The following PCDHA3 variants were observed in gnomAD, a reference collection of about 807,000 sequenced individuals.
The protein encoded by PCDHA3 is protocadherin alpha-3.
PCDHA3 carries 41 observed loss-of-function variants against 62.2 expected under a neutral mutation model. The observed-to-expected ratio is 0.66, with a 90% confidence interval of 0.51 to 0.86. PCDHA3 has a LOEUF of 0.86. Among genes scored for constraint, PCDHA3 ranks in the 40% least tolerant of loss-of-function variants. PCDHA3 has a pLI of 0.00. For synonymous variants in PCDHA3, 640 were observed against 555.4 expected (o/e 1.15, Z -2.14); for missense variants, 1,304 against 1,241.2 (o/e 1.05, Z -0.76).
In PCDHA3 at chr5:140,927,151, T is replaced by C. The variant is rs781865588; in HGVS notation, c.2395-51798T>C. ...AGAGCCGGCGGACCGCGAACAGCTGTGCAGGGCCAAAGCTGCCTGCGTCTT... is the reference window on the plus strand; with the variant it reads ...AGAGCCGGCGGACCGCGAACAGCTGCGCAGGGCCAAAGCTGCCTGCGTCTT... On this transcript the variant is annotated intron_variant, in intron 1 of 3. Coordinates refer to ENST00000522353, the MANE Select transcript of PCDHA3 (RefSeq NM_018906.3). 15 of 1,614,128 alleles carry C rather than the reference T, an allele frequency of 9.3e-6. No homozygotes were observed. In the East Asian group the frequency reaches 3.3e-4, roughly 36 times the overall value.
chr5:140,922,063 A>C (rs1324927848), intron 1 of PCDHA3, among the ~76,000 whole-genome samples: 2 of 152,190 alleles, frequency 1.3e-5, no homozygotes, highest in African/African-American at 4.8e-5. Context: ...AAATGTAGCA[A>C]TCCCACTAAG....
At chr5:140,943,386 A>G (rs1245126281) in intron 1 of PCDHA3, among the ~76,000 whole-genome samples, 2 of 152,154 alleles carry the variant, frequency 1.3e-5, no homozygotes, top group African/African-American at 4.8e-5. Flanking sequence ...CAGGTAAGAA[A>G]TTATGGATAT....
rs782606319 is a variant in PCDHA3 at position 140,802,078 on chromosome 5, A to G, written c.881A>G (p.His294Arg). The change falls in exon 1 of 4, where the codon CAT becomes CGT. Residue 294 changes from histidine (H) to arginine (R), a missense_variant. Coordinates refer to ENST00000522353, the MANE Select transcript of PCDHA3 (RefSeq NM_018906.3). ...DMSADILSKF[H>R]LDPVNGQISV... The stretch of plus-strand genomic sequence containing the variant: ...TCAGCAGATATTCTGTCAAAATTCC[A>G]TTTAGATCCAGTCAATGGACAAATC... 1 of 1,614,206 alleles carries G rather than the reference A, an allele frequency of 6.2e-7. No homozygotes were observed. The highest frequency in any genetic ancestry group is 1.3e-5 in the African/African-American group (1 of 75,060).
chr5:140,972,399 T>C (rs1554234105), intron 1 of PCDHA3, among the ~76,000 whole-genome samples: 2 of 152,062 alleles, frequency 1.3e-5, no homozygotes, highest in South Asian at 2.1e-4. Context: ...TGCTTCACTA[T>C]TGGCAAACCC....
At chr5:140,904,957 A>G (rs2071509370) in intron 1 of PCDHA3, among the ~76,000 whole-genome samples, 1 of 152,156 alleles carries the variant, frequency 6.6e-6, no homozygotes, top group African/African-American at 2.4e-5. Flanking sequence ...TGTCTGATGC[A>G]GAATTTGTGA....
chr5:140,959,538 A>G (rs1310965047), intron 1 of PCDHA3, among the ~76,000 whole-genome samples: 1 of 152,204 alleles, frequency 6.6e-6, no homozygotes, highest in Non-Finnish European at 1.5e-5. Flanking sequence ...TAATTCAGAG[A>G]TGCTGTATAA....
intron 1 of PCDHA3, chr5:140,875,760 C>A (rs781811926): frequency 1.2e-6 from 2 of 1,614,200 alleles, no homozygotes; most frequent in Non-Finnish European, 1.7e-6. Flanking sequence ...AGAAGCTGTG[C>A]GGGCGGAGCG....
At chr5:140,926,840 C>T (rs1427760232) in intron 1 of PCDHA3, 4 of 1,514,378 alleles carry the variant, frequency 2.6e-6, no homozygotes, top group South Asian at 2.7e-5. Flanking sequence ...GAGCATGGTC[C>T]TGGGTCACCG....
chr5:140,870,746 TGACG>T, intron 1 of PCDHA3: 1 of 1,613,488 alleles, frequency 6.2e-7, no homozygotes, highest in Non-Finnish European at 8.5e-7. Context: ...AGCAGCAACG[TGACG>T]CTGCAGGTGT....
At chr5:140,904,113 G>C (rs1051705657) in intron 1 of PCDHA3, among the ~76,000 whole-genome samples, 4 of 152,248 alleles carry the variant, frequency 2.6e-5, no homozygotes, top group African/African-American at 9.6e-5. Context: ...TCATTGCTGA[G>C]ATTTTGGTGC....
At chr5:140,927,248 A>G in intron 1 of PCDHA3, 1 of 1,614,064 alleles carries the variant, frequency 6.2e-7, no homozygotes. Flanking sequence ...GACACCAATG[A>G]CAACTCACCT....
chr5:140,869,183 G>A, intron 1 of PCDHA3: 1 of 1,613,958 alleles, frequency 6.2e-7, no homozygotes, highest in Non-Finnish European at 8.5e-7. Flanking sequence ...TGGGAGGTGG[G>A]GAGCGGCCAG....
intron 1 of PCDHA3, among the ~76,000 whole-genome samples, chr5:140,942,118 A>C (rs554488765): frequency 1.3e-5 from 2 of 152,360 alleles, no homozygotes; most frequent in East Asian, 3.9e-4. Flanking sequence ...AAACTTTATT[A>C]AAGGTGATAT....
chr5:141,001,946 G>A (rs1554258360), intron 3 of PCDHA3, among the ~76,000 whole-genome samples: 4 of 147,266 alleles, frequency 2.7e-5, no homozygotes, highest in African/African-American at 1.1e-4. Flanking sequence ...CGGAAATAAG[G>A]AGGAGGGAGA....
chr5:140,951,520 A>G (rs904780831), intron 1 of PCDHA3, among the ~76,000 whole-genome samples: 6 of 151,972 alleles, frequency 3.9e-5, no homozygotes, highest in Admixed American at 2.0e-4. Context: ...CTCATCTTAC[A>G]TGGCCGGTGC....
At chr5:140,818,933 T>G (rs1766460810) in intron 1 of PCDHA3, among the ~76,000 whole-genome samples, 1 of 152,224 alleles carries the variant, frequency 6.6e-6, no homozygotes. Flanking sequence ...TGAGATTATT[T>G]GACATGAACA....
chr5:140,868,908 C>A, intron 1 of PCDHA3: 1 of 882,186 alleles, frequency 1.1e-6, no homozygotes, highest in Non-Finnish European at 1.7e-6. Context: ...TCGCTCTTTA[C>A]TTGGTGGAAA....
intron 3 of PCDHA3, among the ~76,000 whole-genome samples, chr5:140,990,304 A>T (rs114506238): frequency 3.9e-5 from 6 of 152,286 alleles, no homozygotes; most frequent in Non-Finnish European, 8.8e-5. Context: ...CATTGTCTGT[A>T]AAAAACCAAC....
At chr5:140,868,256 T>TGG (rs2050360583) in intron 1 of PCDHA3, 1 of 152,126 alleles carries the variant, frequency 6.6e-6, no homozygotes, top group Non-Finnish European at 1.5e-5. Context: ...TTTTCCTTTG[T>TGG]GGATTCTTTT....
Sources: allele counts gnomAD v4.1 joint callset (sites outside exome capture counted in the v4.1 genomes callset), GRCh38; gene constraint gnomAD v4.1.1; transcripts MANE v1.5; gene names NCBI Gene and HGNC (gene_info 2026-07-23, HGNC 2026-07-21).